The following TBCE variants were observed in gnomAD, a reference collection of about 807,000 sequenced individuals.
TBCE encodes tubulin folding cofactor E.
A neutral mutation model predicts 77.0 loss-of-function variants in TBCE; 53 were observed. The observed-to-expected ratio is 0.69, with a 90% CI of 0.55 to 0.87. The LOEUF is 0.87. TBCE is among the 40% of genes least tolerant of loss of function. The pLI is 0.00. For missense variants in TBCE, 624 were observed against 622.4 expected, an observed-to-expected ratio of 1.00 and a Z score of -0.03; for synonymous variants, 235 against 241.3, an observed-to-expected ratio of 0.97 and a Z score of 0.24.
At chr1:235,440,743 A>G (rs1467363736) in intron 13 of TBCE, 1 of 152,128 alleles carries the variant, frequency 6.6e-6, no homozygotes, top group African/African-American at 2.4e-5. Context: ...TGAATAGGAA[A>G]GTTCGTATGA....
intron 1 of TBCE, 147 bp from the exon 2 acceptor site, chr1:235,379,872 T>C: frequency 2.0e-6 from 1 of 490,506 alleles, no homozygotes; most frequent in Non-Finnish European, 3.7e-6. Context: ...CCCTTGAGCC[T>C]GGAAGGTGGG....
rs1194825374 is a variant in TBCE at position 235,452,168 on chromosome 1, A to G, written c.*3406A>G. ...GCTGGGACCACAGGCGCCCGCCACT[A>G]TGCCTGGCTAATTTTTTTTGTATTT... On this transcript the variant is annotated 3_prime_UTR_variant, in exon 17 of 17. Transcript: ENST00000642610. The G allele has an allele frequency of 6.6e-6, 1 of 152,216 alleles. No individual in the cohort carries two copies. Among genetic ancestry groups the G allele is most frequent in the Non-Finnish European group, 1.5e-5 (1 of 68,136 alleles). 9.4% of individuals were successfully genotyped at this position (152,216 alleles called of 1,614,324 possible). A position where few individuals can be genotyped will look rare whatever the true frequency, so the allele number is the denominator to read the frequency against.
At chr1:235,434,002 C>G (rs1681264178) in intron 7 of TBCE, 1 of 611,020 alleles carries the variant, frequency 1.6e-6, no homozygotes, top group East Asian at 2.8e-5. Flanking sequence ...TGTGCTCCCA[C>G]AGCATTAAAA....
chr1:235,439,581 G>A (rs957131451), intron 13 of TBCE, among the ~76,000 whole-genome samples: 4 of 147,844 alleles, frequency 2.7e-5, no homozygotes, highest in African/African-American at 7.5e-5. Flanking sequence ...CCTGCCTCCC[G>A]GGTTCAATTT....
intron 3 of TBCE, among the ~76,000 whole-genome samples, chr1:235,410,706 C>A (rs964815469): frequency 3.3e-5 from 5 of 151,958 alleles, no homozygotes; most frequent in African/African-American, 1.2e-4. Context: ...GACATATTTC[C>A]CCCCTCCCTT....
At chr1:235,426,648 A>G (rs1439707310) in intron 5 of TBCE, among the ~76,000 whole-genome samples, 1 of 152,012 alleles carries the variant, frequency 6.6e-6, no homozygotes, top group Non-Finnish European at 1.5e-5. Context: ...TGAACTTTTA[A>G]TTTATTTTTA....
rs1418796698 is a variant in TBCE at position 235,436,404 on chromosome 1, C to T, written c.852C>T (p.Leu284=). The change falls in exon 10 of 17, where the codon CTC becomes CTT. Residue 284 remains leucine (L), a synonymous_variant. Transcript: ENST00000642610. ...AHLPRLEQLI[L]SDTGISSLHF... is the part of the protein sequence containing the mutation. Reference sequence around the variant, plus strand: ...ATTTCAGGTTAGAACAATTAATCCTCTCTGACACTGGAATTTCTTCTCTAC... The same window carrying T: ...ATTTCAGGTTAGAACAATTAATCCTTTCTGACACTGGAATTTCTTCTCTAC... 1.2e-6 allele frequency: 2 copies of T among 1,614,006 alleles called. No homozygotes were observed. The highest frequency in any genetic ancestry group is 8.5e-7 in the Non-Finnish European group (1 of 1,179,930).
intron 3 of TBCE, among the ~76,000 whole-genome samples, chr1:235,410,952 G>A (rs1430928075): frequency 2.0e-5 from 3 of 152,136 alleles, no homozygotes; most frequent in African/African-American, 4.8e-5. Context: ...AAAACATTTA[G>A]TAAGCTTATC....
chr1:235,419,221 A>T, intron 4 of TBCE: 2 of 574,042 alleles, frequency 3.5e-6, no homozygotes, highest in South Asian at 4.1e-5. Flanking sequence ...GCAAAAAGAA[A>T]AGTTTACCTC....
chr1:235,437,267 G>A (rs1401453199), intron 11 of TBCE, 55 bp from the exon 12 acceptor site: 1 of 1,612,118 alleles, frequency 6.2e-7, no homozygotes, highest in Non-Finnish European at 8.5e-7. Context: ...TCAAACTTCT[G>A]CAAAAGTGGC....
chr1:235,442,008 A>ATC, intron 14 of TBCE, 126 bp downstream of exon 14: 2 of 596,202 alleles, frequency 3.4e-6, no homozygotes, highest in Non-Finnish European at 2.8e-6. Flanking sequence ...TTAAATGAAA[A>ATC]TTTTTTTTTT....
intron 3 of TBCE, among the ~76,000 whole-genome samples, chr1:235,406,878 A>G (rs1452265301): frequency 2.4e-5 from 3 of 122,484 alleles, no homozygotes; most frequent in Non-Finnish European, 4.7e-5. Flanking sequence ...CTTGTTGCCC[A>G]GGCTGGAGTG....
rs1467638371 is a variant in TBCE, at chr1:235,437,371, C to T, written c.1013C>T (p.Ser338Phe). Reference sequence around the variant, plus strand: ...AAGTTACCAAGTCTACGGGCTTTGTCCTGCCTAAGAAACCCCCTGACCAAA... The same window carrying T: ...AAGTTACCAAGTCTACGGGCTTTGTTCTGCCTAAGAAACCCCCTGACCAAA... ...LEKLPSLRALSCLRNPLTKED... is the reference protein window; with the variant it reads ...LEKLPSLRALFCLRNPLTKED... The change falls in exon 12 of 17, where the codon TCC becomes TTC. Residue 338 changes from serine (S) to phenylalanine (F), a missense_variant. Ser to Phe is a radical substitution (Grantham distance 155). Coordinates refer to ENST00000642610, the MANE Select transcript of TBCE (RefSeq NM_003193.5). The T allele has an allele frequency of 6.2e-7, 1 of 1,614,042 alleles. No individual in the cohort carries two copies. Among genetic ancestry groups the T allele is most frequent in the Non-Finnish European group, 8.5e-7 (1 of 1,180,016 alleles).
intron 2 of TBCE, among the ~76,000 whole-genome samples, chr1:235,399,864 C>T (rs1056353941): frequency 6.6e-6 from 1 of 152,044 alleles, no homozygotes; most frequent in Admixed American, 6.6e-5. Context: ...ATTGAATTGG[C>T]GGACACCCAG....
rs995740968 is a variant in TBCE, at chr1:235,374,108, C to CA, written c.-31-5910dup. 2.1e-5 allele frequency among the ~76,000 whole-genome samples: 3 copies of CA among 145,340 alleles called. 1 individual carries two copies. Among genetic ancestry groups the CA allele is most frequent in the Non-Finnish European group, 3.0e-5 (2 of 66,506 alleles). On this transcript the variant is annotated intron_variant, in intron 1 of 16. Transcript: ENST00000642610. ...AGTAGCTGGGATTACGGGTGCTTGCCACCATGCCTGGCTAATTTTTGTATT... is the reference window on the plus strand; with the variant it reads ...AGTAGCTGGGATTACGGGTGCTTGCCAACCATGCCTGGCTAATTTTTGTATT...
intron 1 of TBCE, among the ~76,000 whole-genome samples, chr1:235,372,219 G>C (rs1000196548): frequency 2.0e-5 from 3 of 152,056 alleles, no homozygotes; most frequent in African/African-American, 7.2e-5. Flanking sequence ...CACCTCGCCA[G>C]GCTAATTTTT....
chr1:235,405,058 G>A (rs971883622), intron 3 of TBCE, among the ~76,000 whole-genome samples: 1 of 151,496 alleles, frequency 6.6e-6, no homozygotes, highest in African/African-American at 2.4e-5. Flanking sequence ...TGCCTCCCAG[G>A]TTCAAGTGAT....
At chr1:235,409,758 G>A (rs1258543171) in intron 3 of TBCE, among the ~76,000 whole-genome samples, 5 of 142,146 alleles carry the variant, frequency 3.5e-5, no homozygotes, top group Non-Finnish European at 6.1e-5. Flanking sequence ...GCCTGGCGCC[G>A]TGGCTCATGC....
At chr1:235,373,985 A>AT (rs1262480384) in intron 1 of TBCE, among the ~76,000 whole-genome samples, 4 of 142,934 alleles carry the variant, frequency 2.8e-5, no homozygotes, top group Non-Finnish European at 6.1e-5. Flanking sequence ...AATTTTATTT[A>AT]TTTTTTTGAG....
Sources: gnomAD v4.1 joint callset for allele counts (sites outside exome capture counted in the v4.1 genomes callset) on GRCh38, gnomAD v4.1.1 for gene constraint, MANE v1.5 for transcripts, NCBI Gene and HGNC (gene_info 2026-07-23, HGNC 2026-07-21) for gene names.